RIOK3: variants seen among roughly 807,000 people sequenced by gnomAD.
The protein encoded by RIOK3 is serine/threonine-protein kinase RIO3.
A neutral mutation model predicts 63.5 loss-of-function variants in RIOK3; 40 were observed. The observed-to-expected ratio is 0.63, with a 90% CI of 0.49 to 0.82. The LOEUF is 0.82. RIOK3 is among the 40% of genes least tolerant of loss of function. The pLI, the probability that RIOK3 is intolerant of heterozygous loss-of-function variation, is 0.00. For synonymous variants in RIOK3, 193 were observed against 205.0 expected, an observed-to-expected ratio of 0.94 and a Z score of 0.50; for missense variants, 557 against 637.0, an observed-to-expected ratio of 0.87 and a Z score of 1.35.
chr18:23,477,827 T>C (rs1378267837), intron 11 of RIOK3, among the ~76,000 whole-genome samples: 1 of 151,082 alleles, frequency 6.6e-6, no homozygotes, highest in African/African-American at 2.4e-5. Flanking sequence ...CCCAGCACTT[T>C]GGGAGGCCAA....
At chr18:23,472,920 T>C (rs2057465461) in intron 7 of RIOK3, among the ~76,000 whole-genome samples, 1 of 152,248 alleles carries the variant, frequency 6.6e-6, no homozygotes, top group South Asian at 2.1e-4. Context: ...CCATGAAGTC[T>C]TGCCTGACCT....
chr18:23,459,985 C>T (rs1273550532), intron 1 of RIOK3, among the ~76,000 whole-genome samples: 1 of 152,236 alleles, frequency 6.6e-6, no homozygotes, highest in African/African-American at 2.4e-5. Flanking sequence ...TGAGCCACTG[C>T]ACACGGCCTG....
chr18:23,472,112 A>G (rs2057460271), intron 7 of RIOK3, among the ~76,000 whole-genome samples: 2 of 152,120 alleles, frequency 1.3e-5, no homozygotes, highest in African/African-American at 2.4e-5. Flanking sequence ...ATGCACGTGT[A>G]ATCCCAGCTA....
Position 23,464,597 on chromosome 18 carries a change from G to A in RIOK3, c.512G>A (p.Cys171Tyr). The change falls in exon 5 of 13, where the codon TGT (cysteine) becomes TAT (tyrosine). Residue 171 changes from cysteine to tyrosine, a missense_variant. By Grantham distance (194) the Cys-to-Tyr change is radical. This residue lies in a region of RIOK3 where 243 missense variants were observed against 275.4 expected (regional missense o/e 0.88). Transcript: ENST00000339486. ...DITTKHDEVV[C>Y]GRKNTARMEN... ...ACCACCAAACATGATGAAGTAGTAT[G>A]TGGGAGAAAGAACACAGCAAGAATG... 1.2e-6 allele frequency: 2 copies of A among 1,601,994 alleles called. No homozygotes were observed. Among genetic ancestry groups the A allele is most frequent in the Non-Finnish European group, 1.7e-6 (2 of 1,175,442 alleles).
At chr18:23,455,137 T>C (rs1045745863) in intron 1 of RIOK3, among the ~76,000 whole-genome samples, 3 of 152,130 alleles carry the variant, frequency 2.0e-5, no homozygotes, top group African/African-American at 7.2e-5. Context: ...AGTGGTTTGC[T>C]CCCAGCTCAC....
At chr18:23,456,521 A>T (rs894905752) in intron 1 of RIOK3, 2 of 152,228 alleles carry the variant, frequency 1.3e-5, no homozygotes, top group African/African-American at 4.8e-5. Flanking sequence ...AAGAAAACTT[A>T]AAAAAATAGA....
At chr18:23,468,866 T>G (rs974018412) in intron 7 of RIOK3, among the ~76,000 whole-genome samples, 2 of 152,218 alleles carry the variant, frequency 1.3e-5, no homozygotes, top group African/African-American at 4.8e-5. Context: ...AGGTTCTCTG[T>G]TCAGGGTTTC....
intron 1 of RIOK3, 151 bp downstream of exon 1, chr18:23,453,653 C>T: frequency 1.4e-6 from 1 of 704,786 alleles, no homozygotes; most frequent in Admixed American, 2.2e-5. Context: ...GCGGGGGTGC[C>T]GGGATGGGGA....
intron 7 of RIOK3, among the ~76,000 whole-genome samples, chr18:23,468,882 C>G (rs929402759): frequency 1.3e-5 from 2 of 152,206 alleles, no homozygotes; most frequent in Non-Finnish European, 1.5e-5. Flanking sequence ...GTTTCACAAG[C>G]CTGCAGTCTA....
chr18:23,476,913 A>G, intron 9 of RIOK3, 93 bp from the exon 10 acceptor site: 1 of 1,075,014 alleles, frequency 9.3e-7, no homozygotes, highest in Non-Finnish European at 1.4e-6. Context: ...CTCTGTCTCC[A>G]AAAAAATAAA....
rs1358676193 is a variant in RIOK3, at chr18:23,453,337, G to T, written c.-103G>T. On this transcript the variant is annotated 5_prime_UTR_variant, in exon 1 of 13. Coordinates refer to ENST00000339486, the MANE Select transcript of RIOK3 (RefSeq NM_003831.5). ...GCCGCCATCTGTCACCTCCACTCCG[G>T]CATCAGCAGCCAGTCGCCCGTGTCC... 3 of 949,344 alleles carry T rather than the reference G, an allele frequency of 3.2e-6. No homozygotes were observed. The highest frequency in any genetic ancestry group is 5.1e-6 in the Non-Finnish European group (3 of 588,126). 58.8% of individuals were successfully genotyped at this position (949,344 alleles called of 1,614,324 possible). A position where few individuals can be genotyped will look rare whatever the true frequency, so the allele number is the denominator to read the frequency against.
intron 9 of RIOK3, among the ~76,000 whole-genome samples, chr18:23,476,713 C>T (rs1382229705): frequency 6.6e-6 from 1 of 151,976 alleles, no homozygotes; most frequent in South Asian, 2.1e-4. Flanking sequence ...TTGAGACCAT[C>T]CTAACTAACA....
Position 23,464,093 on chromosome 18 carries a change from A to G in RIOK3, c.306A>G (p.Lys102=). The G allele has an allele frequency of 6.2e-7, 1 of 1,611,428 alleles. No homozygotes were observed. Among genetic ancestry groups the G allele is most frequent in the Non-Finnish European group, 8.5e-7 (1 of 1,179,096 alleles). The change falls in exon 3 of 13, where the codon AAA becomes AAG. Residue 102 remains lysine (K), a synonymous_variant. Coordinates refer to ENST00000339486, the MANE Select transcript of RIOK3 (RefSeq NM_003831.5). ...YDAQLRREEK[K]FNGDSKVSIS... is the part of the protein sequence containing the mutation. ...CACAGCTTAGGCGTGAAGAAAAAAA[A>G]TTCAATGGAGATAGCAAAGGTATTA...
chr18:23,476,912 C>CA (rs1437392522), intron 9 of RIOK3, 94 bp from the exon 10 acceptor site: 13 of 1,062,094 alleles, frequency 1.2e-5, no homozygotes, highest in African/African-American at 9.6e-5. Context: ...ACTCTGTCTC[C>CA]AAAAAAATAA....
chr18:23,455,372 GTCTT>G (rs1568378457), intron 1 of RIOK3, among the ~76,000 whole-genome samples: 1 of 146,102 alleles, frequency 6.8e-6, no homozygotes, highest in Non-Finnish European at 1.5e-5. Flanking sequence ...CATGCCCAAC[GTCTT>G]TCTTTTTTTT....
At chr18:23,461,279 TA>T (rs1291156455) in intron 1 of RIOK3, among the ~76,000 whole-genome samples, 1 of 152,222 alleles carries the variant, frequency 6.6e-6, no homozygotes, top group Non-Finnish European at 1.5e-5. Context: ...TGCTATATTC[TA>T]AATTAGACAC....
chr18:23,463,150 A>C, intron 2 of RIOK3, 71 bp downstream of exon 2: 1 of 971,824 alleles, frequency 1.0e-6, no homozygotes, highest in Admixed American at 2.2e-5. Context: ...AGTAATTGTC[A>C]TGACAAGTGG....
chr18:23,475,825 C>T (rs1291459100), intron 9 of RIOK3, among the ~76,000 whole-genome samples: 1 of 151,900 alleles, frequency 6.6e-6, no homozygotes, highest in Admixed American at 6.6e-5. Context: ...GGATTAGTGA[C>T]ACAGTGCATG....
chr18:23,462,950 T>G lies in RIOK3; in HGVS notation c.64-14T>G, dbSNP rs1270576705. 1.6e-6 allele frequency: 2 copies of G among 1,281,906 alleles called. No individual in the cohort carries two copies. The allele number at this position is 1,281,906 out of a possible 1,614,324, so 79.4% of individuals were successfully genotyped here. A position where few individuals can be genotyped will look rare whatever the true frequency, so the allele number is the denominator to read the frequency against. On this transcript the variant is annotated splice_polypyrimidine_tract_variant and intron_variant, in intron 1 of 12. Transcript: ENST00000339486. ...TTATGATGAATTGAGCTGTTCTTTT[T>G]TCTTTTTTCATAGTGTCCATGGGCT...
Sources: gnomAD v4.1 joint callset for allele counts (sites outside exome capture counted in the v4.1 genomes callset) on GRCh38, gnomAD v4.1.1 for gene constraint, gnomAD v4.1.1 regional missense constraint, MANE v1.5 for transcripts, NCBI Gene and HGNC (gene_info 2026-07-23, HGNC 2026-07-21) for gene names.